PLCH1: variants seen among roughly 807,000 people sequenced by gnomAD.
The protein encoded by PLCH1 is phospholipase C eta 1.
Under a neutral mutation model 126.7 loss-of-function variants are expected in PLCH1, and 60 were observed. The observed-to-expected ratio is 0.47, with a 90% CI of 0.38 to 0.59. The LOEUF is 0.59. Among genes scored for constraint, PLCH1 ranks in the 20% least tolerant of loss-of-function variants. The pLI is 0.00. For synonymous variants in PLCH1, 719 were observed against 734.9 expected, an observed-to-expected ratio of 0.98 and a Z score of 0.35; for missense variants, 1,723 against 2,040.0, an observed-to-expected ratio of 0.84 and a Z score of 2.99.
intron 2 of PLCH1, among the ~76,000 whole-genome samples, chr3:155,674,716 A>T (rs1743919145): frequency 6.6e-6 from 1 of 152,204 alleles, no homozygotes; most frequent in African/African-American, 2.4e-5. Context: ...CCTTGAAACA[A>T]GACACCTTAC....
intron 2 of PLCH1, among the ~76,000 whole-genome samples, chr3:155,657,492 T>G (rs1741554161): frequency 1.3e-5 from 2 of 152,132 alleles, no homozygotes; most frequent in South Asian, 4.1e-4. Flanking sequence ...GGCTGAGTAC[T>G]AATTAGTGCA....
At chr3:155,597,811 T>C (rs549584075) in intron 2 of PLCH1, among the ~76,000 whole-genome samples, 1 of 152,290 alleles carries the variant, frequency 6.6e-6, no homozygotes, top group South Asian at 2.1e-4. Flanking sequence ...AGTTTCAGGA[T>C]TCAATACTAC....
At chr3:155,490,726 T>A in intron 19 of PLCH1, 58 bp downstream of exon 19, 2 of 953,206 alleles carry the variant, frequency 2.1e-6, no homozygotes, top group South Asian at 2.7e-5. Flanking sequence ...CTTTTTTTAG[T>A]GTAAATTCTA....
intron 1 of PLCH1, chr3:155,743,474 G>C (rs1166690343): frequency 2.4e-6 from 1 of 423,048 alleles, no homozygotes; most frequent in Non-Finnish European, 4.6e-6. Flanking sequence ...GGAGGTTGCA[G>C]TGAGCCGAGA....
chr3:155,699,980 C>T (rs1746145358), intron 2 of PLCH1, among the ~76,000 whole-genome samples: 2 of 152,290 alleles, frequency 1.3e-5, no homozygotes, highest in Middle Eastern at 3.4e-3. Flanking sequence ...CTCATACCCC[C>T]GGCCTGAAGA....
intron 2 of PLCH1, among the ~76,000 whole-genome samples, chr3:155,656,803 A>T (rs1741432042): frequency 6.6e-6 from 1 of 152,212 alleles, no homozygotes; most frequent in African/African-American, 2.4e-5. Context: ...CAATGTAATC[A>T]GATAAGAAAA....
chr3:155,585,960 A>G (rs184755200), intron 5 of PLCH1, 105 bp downstream of exon 5: 3 of 870,868 alleles, frequency 3.4e-6, no homozygotes, highest in Middle Eastern at 2.8e-4. Flanking sequence ...AGTACAGAGC[A>G]CATATATTAG....
intron 22 of PLCH1, among the ~76,000 whole-genome samples, chr3:155,484,364 T>G (rs990595635): frequency 2.6e-5 from 4 of 152,228 alleles, no homozygotes; most frequent in Non-Finnish European, 4.4e-5. Flanking sequence ...ACACTGCTCT[T>G]AGCAAAATTT....
intron 2 of PLCH1, among the ~76,000 whole-genome samples, chr3:155,637,468 C>G (rs1738874080): frequency 6.6e-6 from 1 of 151,008 alleles, no homozygotes; most frequent in South Asian, 2.1e-4. Context: ...AAATAAAATG[C>G]CATGTAGATA....
chr3:155,609,799 GA>G (rs1195195979), intron 2 of PLCH1, among the ~76,000 whole-genome samples: 1 of 151,934 alleles, frequency 6.6e-6, no homozygotes, highest in Non-Finnish European at 1.5e-5. Context: ...AAAAACTTCA[GA>G]GCTCAAAGAC....
At chr3:155,635,866 G>A (rs1270878638) in intron 2 of PLCH1, among the ~76,000 whole-genome samples, 7 of 152,148 alleles carry the variant, frequency 4.6e-5, no homozygotes, top group African/African-American at 9.7e-5. Flanking sequence ...ATAAGAGAAC[G>A]ACAAATTGCT....
At position 155,482,802 on chromosome 3, in the gene PLCH1, G is replaced by C. The variant is rs746553985; in HGVS notation, c.3224C>G (p.Ser1075Cys). The C allele has an allele frequency of 1.9e-6, 3 of 1,614,006 alleles. No individual in the cohort carries two copies. The highest frequency in any genetic ancestry group is 2.7e-5 in the African/African-American group (2 of 74,916). Residue 1075 changes from serine to cysteine, a missense_variant, in exon 23 of 23, where the codon TCT becomes TGT. Ser to Cys is a moderately radical substitution (Grantham distance 112). Around this residue, in one of 2 missense-constraint regions of PLCH1, gnomAD observed 947 missense variants for 977.1 expected, o/e 0.97. Coordinates refer to ENST00000460012, the MANE Select transcript of PLCH1 (RefSeq NM_014996.4). ...AGCCAAATGCTGCTTTGGGGAGAGA[G>C]ACTTGCTGGGACAGGGGTTTTCCTG... is the stretch of plus-strand genomic sequence containing the variant. ...NCQENPCPSK[S>C]LSPKQHLAPD...
intron 21 of PLCH1, among the ~76,000 whole-genome samples, chr3:155,470,595 G>A (rs1351241392): frequency 1.3e-5 from 2 of 152,028 alleles, no homozygotes; most frequent in East Asian, 1.9e-4. Context: ...GATACTCCTC[G>A]AGAAGAGCAA....
chr3:155,744,677 C>T (rs1749860716), intron 1 of PLCH1, among the ~76,000 whole-genome samples, 163 bp downstream of exon 1: 1 of 152,156 alleles, frequency 6.6e-6, no homozygotes, highest in Non-Finnish European at 1.5e-5. Context: ...AGGGGATCCC[C>T]ACGCACAGCA....
intron 2 of PLCH1, among the ~76,000 whole-genome samples, chr3:155,631,360 G>A (rs959827184): frequency 1.3e-5 from 2 of 152,030 alleles, no homozygotes; most frequent in Admixed American, 1.3e-4. Flanking sequence ...TAAATATGAT[G>A]CATGCACTTG....
At position 155,664,866 on chromosome 3, in the gene PLCH1, A is replaced by C. The variant is rs1207524006; in HGVS notation, c.79+39280T>G. On this transcript the variant is annotated intron_variant, in intron 2 of 22. Transcript: ENST00000460012. ...AGGCTCAAATAAATTAATTTCCTTA[A>C]GTCATCATATAGGTAGAGATGGAGC... 3.3e-5 allele frequency among the ~76,000 whole-genome samples: 5 copies of C among 152,196 alleles called. No homozygotes were observed. The East Asian group carries it at 9.6e-4, about 29-fold the overall frequency.
chr3:155,526,484 T>TACACACA (rs774024945), intron 10 of PLCH1, among the ~76,000 whole-genome samples: 1,710 of 94,200 alleles, frequency 0.018, 18 homozygotes, highest in Non-Finnish European at 0.023. Flanking sequence ...TTTCTCTCTC[T>TACACACA]CTCATACACA....
chr3:155,703,923 G>A (rs1431880316), intron 2 of PLCH1, among the ~76,000 whole-genome samples: 1 of 152,124 alleles, frequency 6.6e-6, no homozygotes, highest in African/African-American at 2.4e-5. Context: ...CTACGAAATA[G>A]AAAGAGATAA....
intron 7 of PLCH1, among the ~76,000 whole-genome samples, chr3:155,565,608 G>A (rs1391315087): frequency 7.9e-5 from 12 of 152,066 alleles, no homozygotes; most frequent in Non-Finnish European, 1.3e-4. Flanking sequence ...GGTACAACCT[G>A]TAGAATGTGA....
Sources: allele counts gnomAD v4.1 joint callset (sites outside exome capture counted in the v4.1 genomes callset), GRCh38; gene constraint gnomAD v4.1.1; regional missense constraint gnomAD v4.1.1; transcripts MANE v1.5; gene names NCBI Gene and HGNC (gene_info 2026-07-23, HGNC 2026-07-21).